Variants in PPDPFL observed in about 807,000 individuals in gnomAD.
PPDPFL encodes pancreatic progenitor cell differentiation and proliferation factor like.
Under a neutral mutation model 12.6 loss-of-function variants are expected in PPDPFL, and 12 were observed. That is an observed-to-expected ratio of 0.95 (90% CI 0.61 to 1.54). The LOEUF is 1.54. PPDPFL is among the 40% of genes most tolerant of loss of function. The probability of loss-of-function intolerance (pLI) is 0.00; values close to 1 mark genes in which losing one functional copy is unlikely to be tolerated. For missense variants in PPDPFL, 114 were observed against 96.0 expected, an observed-to-expected ratio of 1.19 and a Z score of -0.78; for synonymous variants, 24 against 32.7, an observed-to-expected ratio of 0.73 and a Z score of 0.91.
intron 1 of PPDPFL, among the ~76,000 whole-genome samples, chr8:49,060,321 G>GTTTT (rs1808178439): frequency 6.6e-6 from 1 of 151,974 alleles, no homozygotes; most frequent in African/African-American, 2.4e-5. Context: ...TTGTTTGTTT[G>GTTTT]TTTATTTTTG....
chr8:49,060,468 C>T (rs184750029), intron 1 of PPDPFL, among the ~76,000 whole-genome samples: 2 of 152,148 alleles, frequency 1.3e-5, no homozygotes, highest in African/African-American at 4.8e-5. Context: ...CATGCGGCAC[C>T]ACACCTGGCT....
rs889088785 is a variant in PPDPFL, at chr8:49,075,624, A to G, written c.*451A>G. 4.1e-6 allele frequency: 1 copy of G among 246,360 alleles called. No homozygotes were observed. Among genetic ancestry groups the G allele is most frequent in the African/African-American group, 2.3e-5 (1 of 44,364 alleles). 15.3% of individuals were successfully genotyped at this position (246,360 alleles called of 1,614,324 possible). On this transcript the variant is annotated 3_prime_UTR_variant, in exon 5 of 5. Coordinates refer to ENST00000522267, the MANE Select transcript of PPDPFL (RefSeq NM_001256597.2). ...TCTTTTTCTGTCTGTTGAGTGATTT[A>G]TTTATTATGCCTTAAAACTGACTTG...
rs1808405670 is a variant in PPDPFL, at chr8:49,072,374, T to C, written c.-153T>C. ...CCTACCACTGGCCCTGCGTATGTGG[T>C]GCAGCCTCTCTTCAATCCCTAAGAA... On this transcript the variant is annotated 5_prime_UTR_variant, in exon 1 of 5. Transcript: ENST00000522267. 6.5e-6 allele frequency: 1 copy of C among 154,882 alleles called. No individual in the cohort carries two copies. The highest frequency in any genetic ancestry group is 2.0e-4 in the South Asian group (1 of 5,018). 9.6% of individuals were successfully genotyped at this position (154,882 alleles called of 1,614,324 possible).
rs1212695465 is a variant in PPDPFL, at chr8:49,074,121, G to A, written c.118G>A (p.Asp40Asn). 7.4e-6 allele frequency: 12 copies of A among 1,612,244 alleles called. No individual in the cohort carries two copies. The highest frequency in any genetic ancestry group is 9.3e-6 in the Non-Finnish European group (11 of 1,178,540). The change falls in exon 3 of 5, where the codon GAC becomes AAC. Residue 40 changes from aspartate (D) to asparagine (N), a missense_variant. Coordinates refer to ENST00000522267, the MANE Select transcript of PPDPFL (RefSeq NM_001256597.2). ...SSDSVNFIDD[D>N]KPQQGLPEVA... ...TGATTCTGTTAACTTCATAGATGACGACAAACCACAGCAAGGTACTTAGTT... is the reference window on the plus strand; with the variant it reads ...TGATTCTGTTAACTTCATAGATGACAACAAACCACAGCAAGGTACTTAGTT...
chr8:49,055,697 G>T (rs1808101619), intron 1 of PPDPFL, among the ~76,000 whole-genome samples: 1 of 152,124 alleles, frequency 6.6e-6, no homozygotes, highest in South Asian at 2.1e-4. Context: ...CCATTTGATT[G>T]TTTAATAAGG....
intron 1 of PPDPFL, among the ~76,000 whole-genome samples, chr8:49,064,073 C>T (rs1170886510): frequency 1.3e-5 from 2 of 152,118 alleles, no homozygotes; most frequent in Admixed American, 6.5e-5. Context: ...CTCCATAGAA[C>T]ACATGTTGCT....
chr8:49,058,901 T>A (rs1808152876), intron 1 of PPDPFL, among the ~76,000 whole-genome samples: 1 of 152,186 alleles, frequency 6.6e-6, no homozygotes, highest in African/African-American at 2.4e-5. Flanking sequence ...TGCCTGTTAA[T>A]AAAATTATCT....
In PPDPFL at chr8:49,075,053, T is replaced by G; in HGVS notation, c.234-99T>G. On this transcript the variant is annotated intron_variant, in intron 4 of 4. Coordinates refer to ENST00000522267, the MANE Select transcript of PPDPFL (RefSeq NM_001256597.2). Reference sequence around the variant, plus strand: ...TGCAAGATTGATTGTTGGAAAGATGTTTTCTTGACACTCTTTATCAAGTTT... The same window carrying G: ...TGCAAGATTGATTGTTGGAAAGATGGTTTCTTGACACTCTTTATCAAGTTT... The G allele has an allele frequency of 2.0e-6, 3 of 1,511,702 alleles. No homozygotes were observed. In the South Asian group the frequency reaches 3.6e-5, roughly 18 times the overall value. 93.6% of individuals were successfully genotyped at this position (1,511,702 alleles called of 1,614,324 possible). A position where few individuals can be genotyped will look rare whatever the true frequency, so the allele number is the denominator to read the frequency against.
At chr8:49,054,512 T>C (rs1322330506) in intron 1 of PPDPFL, 2 of 152,212 alleles carry the variant, frequency 1.3e-5, no homozygotes, top group Non-Finnish European at 2.9e-5. Flanking sequence ...GTAGACCTTC[T>C]GGTCAACAGT....
chr8:49,056,879 A>C (rs944925579), intron 1 of PPDPFL, among the ~76,000 whole-genome samples: 2 of 152,234 alleles, frequency 1.3e-5, no homozygotes, highest in African/African-American at 4.8e-5. Flanking sequence ...GGTGTGACAT[A>C]CAGTAGCCAC....
In PPDPFL at chr8:49,075,205, A is replaced by C; in HGVS notation, c.*32A>C. Reference sequence around the variant, plus strand: ...ATCTTTGCACTGCCATTTGATGAACATGTTGGTAACGGTTGCCTGCCTTAT... The same window carrying C: ...ATCTTTGCACTGCCATTTGATGAACCTGTTGGTAACGGTTGCCTGCCTTAT... On this transcript the variant is annotated 3_prime_UTR_variant, in exon 5 of 5. Transcript: ENST00000522267. The C allele has an allele frequency of 1.9e-6, 3 of 1,614,008 alleles. No homozygotes were observed. The highest frequency in any genetic ancestry group is 2.5e-6 in the Non-Finnish European group (3 of 1,179,876).
At chr8:49,066,042 G>A (rs1808295036) in intron 1 of PPDPFL, among the ~76,000 whole-genome samples, 1 of 152,244 alleles carries the variant, frequency 6.6e-6, no homozygotes, top group Admixed American at 6.5e-5. Context: ...TCTCCAGCCA[G>A]TAAGCCAAAA....
At chr8:49,056,526 T>G (rs543507887) in intron 1 of PPDPFL, among the ~76,000 whole-genome samples, 3 of 152,322 alleles carry the variant, frequency 2.0e-5, no homozygotes, top group Admixed American at 6.5e-5. Flanking sequence ...CTTGTTAACC[T>G]TCTGTATTCA....
At chr8:49,056,041 C>A (rs1219328260) in intron 1 of PPDPFL, among the ~76,000 whole-genome samples, 1 of 152,112 alleles carries the variant, frequency 6.6e-6, no homozygotes, top group Non-Finnish European at 1.5e-5. Context: ...CAGCTAGAAA[C>A]ATCTTTTAAC....
chr8:49,062,507 T>C (rs971536700), intron 1 of PPDPFL, among the ~76,000 whole-genome samples: 1 of 152,130 alleles, frequency 6.6e-6, no homozygotes, highest in East Asian at 1.9e-4. Context: ...AAAGAGCACA[T>C]TGGAGACAAG....
chr8:49,065,466 G>T (rs530724441), intron 1 of PPDPFL, among the ~76,000 whole-genome samples: 1 of 152,148 alleles, frequency 6.6e-6, no homozygotes, highest in Non-Finnish European at 1.5e-5. Flanking sequence ...AGAGATGCAG[G>T]GCAGAGGAGA....
At chr8:49,065,778 T>TTTTTTA (rs1238852767) in intron 1 of PPDPFL, among the ~76,000 whole-genome samples, 10 of 152,342 alleles carry the variant, frequency 6.6e-5, no homozygotes, top group Admixed American at 6.5e-4. Flanking sequence ...TAAAACATTC[T>TTTTTTA]GGTGACATCA....
chr8:49,072,776 C>A lies in PPDPFL; in HGVS notation c.-44-11C>A, dbSNP rs72641627. ...TCATATCAATGTCTCTTTTCTCTGT[C>A]GCTGTTTCAGATTAATGCTCACAGC... On this transcript the variant is annotated splice_polypyrimidine_tract_variant and intron_variant, in intron 1 of 4. Coordinates refer to ENST00000522267, the MANE Select transcript of PPDPFL (RefSeq NM_001256597.2). 3 of 1,355,644 alleles carry A rather than the reference C, an allele frequency of 2.2e-6. No individual in the cohort carries two copies. Among genetic ancestry groups the A allele is most frequent in the Non-Finnish European group, 3.1e-6 (3 of 979,300 alleles). The allele number at this position is 1,355,644 out of a possible 1,614,324, so 84.0% of individuals were successfully genotyped here.
At chr8:49,074,800 C>A in intron 4 of PPDPFL, 1 of 1,429,468 alleles carries the variant, frequency 7.0e-7, no homozygotes, top group South Asian at 1.5e-5. Context: ...ATTTTGAACT[C>A]AAACACACTG....
Sources: allele counts gnomAD v4.1 joint callset (sites outside exome capture counted in the v4.1 genomes callset), GRCh38; gene constraint gnomAD v4.1.1; transcripts MANE v1.5; gene names NCBI Gene and HGNC (gene_info 2026-07-23, HGNC 2026-07-21).